Variants in ZNF420 observed in about 807,000 individuals in gnomAD.
ZNF420 encodes ATM and p53-associated KZNF protein.
A neutral mutation model predicts 44.7 loss-of-function variants in ZNF420; 31 were observed. The ratio of observed to expected loss-of-function variants is 0.69; its 90% CI spans 0.52 to 0.94. The LOEUF is 0.94. ZNF420 is among the 40% of genes least tolerant of loss of function. The pLI is 0.00. For missense variants in ZNF420, 681 were observed against 827.9 expected (o/e 0.82, Z 2.18); for synonymous variants, 245 against 267.4 (o/e 0.92, Z 0.82).
intron 1 of ZNF420, among the ~76,000 whole-genome samples, chr19:37,037,078 G>C (rs1281507815): frequency 3.3e-5 from 5 of 152,226 alleles, no homozygotes; most frequent in Admixed American, 2.6e-4. Flanking sequence ...GGACTCCCTA[G>C]GCCCCATGCA....
intron 1 of ZNF420, among the ~76,000 whole-genome samples, chr19:37,039,557 A>G (rs1437975624): frequency 1.3e-5 from 2 of 152,226 alleles, no homozygotes; most frequent in African/African-American, 4.8e-5. Flanking sequence ...AACAGCTGTG[A>G]TATCATCCAA....
At chr19:37,050,191 C>A (rs1370250216) in intron 1 of ZNF420, among the ~76,000 whole-genome samples, 1 of 152,122 alleles carries the variant, frequency 6.6e-6, no homozygotes. Flanking sequence ...ATTGACTTGG[C>A]AATGCGGGCT....
upstream of ZNF420, among the ~76,000 whole-genome samples, chr19:37,077,756 G>C (rs1172998486): frequency 6.6e-6 from 1 of 151,912 alleles, no homozygotes; most frequent in Non-Finnish European, 1.5e-5. Flanking sequence ...ACTCAATTAC[G>C]GCCACACACA....
chr19:37,086,110 C>T (rs965957213), intron 2 of ZNF420, among the ~76,000 whole-genome samples: 6 of 151,932 alleles, frequency 3.9e-5, no homozygotes, highest in African/African-American at 1.2e-4. Context: ...CCAGCCAGGC[C>T]TCACTACTTT....
intron 1 of ZNF420, among the ~76,000 whole-genome samples, chr19:37,019,969 G>T (rs1301519506): frequency 1.3e-5 from 2 of 151,894 alleles, no homozygotes; most frequent in African/African-American, 4.8e-5. Context: ...TGTAATCTCA[G>T]CACTTTGGGA....
chr19:37,028,466 A>G (rs186196922), intron 1 of ZNF420, among the ~76,000 whole-genome samples: 159 of 152,346 alleles, frequency 1.0e-3, no homozygotes, highest in Non-Finnish European at 1.7e-3. Flanking sequence ...CAATATATAA[A>G]CAGGTTGGGG....
At chr19:37,027,345 C>T (rs1172204255) in intron 1 of ZNF420, among the ~76,000 whole-genome samples, 1 of 152,154 alleles carries the variant, frequency 6.6e-6, no homozygotes, top group Non-Finnish European at 1.5e-5. Context: ...TAATATCCCC[C>T]TCACACCATA....
At chr19:37,032,077 G>A (rs12978986) in intron 1 of ZNF420, among the ~76,000 whole-genome samples, 24,672 of 152,162 alleles carry the variant, frequency 0.16, 2,131 homozygotes, top group African/African-American at 0.23. Context: ...CCGTGCGGTG[G>A]CTAACGCCTG....
chr19:37,122,519 C>T (rs889749946), intron 4 of ZNF420, among the ~76,000 whole-genome samples: 5 of 152,092 alleles, frequency 3.3e-5, no homozygotes, highest in East Asian at 3.9e-4. Flanking sequence ...TGCTAAATGA[C>T]GAGTTAATGG....
chr19:37,110,850 G>A (rs1395920056), intron 4 of ZNF420, among the ~76,000 whole-genome samples: 1 of 152,066 alleles, frequency 6.6e-6, no homozygotes, highest in African/African-American at 2.4e-5. Flanking sequence ...GGTAATTTTA[G>A]GTAAAATCCA....
At chr19:37,041,193 C>T (rs1967445681) in intron 1 of ZNF420, among the ~76,000 whole-genome samples, 1 of 151,708 alleles carries the variant, frequency 6.6e-6, no homozygotes, top group South Asian at 2.1e-4. Flanking sequence ...CATAGTGGCA[C>T]ACTCCTGGAA....
intron 1 of ZNF420, among the ~76,000 whole-genome samples, chr19:37,055,780 G>A (rs1055122427): frequency 1.3e-5 from 2 of 152,182 alleles, no homozygotes; most frequent in Non-Finnish European, 2.9e-5. Context: ...CAGGATTCCA[G>A]GAGACACGGA....
chr19:37,130,082 G>A lies in ZNF420; in HGVS notation c.*1024G>A. The A allele has an allele frequency of 2.6e-6, 4 of 1,550,262 alleles. No homozygotes were observed. The highest frequency in any genetic ancestry group is 3.5e-6 in the Non-Finnish European group (4 of 1,146,862). ...GATAGAAGTGATATTTATATGAGTA[G>A]GAGATTTACGAAATCCATTTTTCCT... On this transcript the variant is annotated 3_prime_UTR_variant, in exon 5 of 5. Transcript: ENST00000337995.
intron 4 of ZNF420, among the ~76,000 whole-genome samples, chr19:37,122,620 AAAC>A (rs201320745): frequency 0.014 from 2,142 of 152,292 alleles, 17 homozygotes; most frequent in Non-Finnish European, 0.02. Context: ...TAATTTAAAA[AAAC>A]AACAACACAT....
At chr19:37,035,916 G>A (rs1967346499) in intron 1 of ZNF420, among the ~76,000 whole-genome samples, 1 of 152,148 alleles carries the variant, frequency 6.6e-6, no homozygotes, top group Non-Finnish European at 1.5e-5. Context: ...CCTGTGAAAG[G>A]AATGACACTG....
At chr19:37,114,250 G>A (rs1194434599) in intron 4 of ZNF420, among the ~76,000 whole-genome samples, 1 of 152,230 alleles carries the variant, frequency 6.6e-6, no homozygotes, top group East Asian at 1.9e-4. Flanking sequence ...AGGATATAGC[G>A]CCCTGCCCTG....
intron 1 of ZNF420, among the ~76,000 whole-genome samples, chr19:37,021,951 AAAAAAAAAAAAAG>A: frequency 6.7e-6 from 1 of 149,894 alleles, no homozygotes; most frequent in South Asian, 2.1e-4. Flanking sequence ...AAAAAAAAAA[AAAAAAAAAAAAAG>A]AAAAGAAAAA....
intron 4 of ZNF420, chr19:37,115,178 A>C (rs1599707582): frequency 5.8e-6 from 1 of 172,708 alleles, no homozygotes; most frequent in Admixed American, 6.3e-5. Flanking sequence ...AGAGAAAAGC[A>C]CCTACGTTGG....
intron 1 of ZNF420, among the ~76,000 whole-genome samples, chr19:37,041,675 C>G (rs1373075329): frequency 6.6e-6 from 1 of 152,092 alleles, no homozygotes; most frequent in East Asian, 1.9e-4. Flanking sequence ...ATTGGAAGAT[C>G]CTTAAAACAT....
Sources: gnomAD v4.1 joint callset for allele counts (sites outside exome capture counted in the v4.1 genomes callset) on GRCh38, gnomAD v4.1.1 for gene constraint, MANE v1.5 for transcripts, NCBI Gene and HGNC (gene_info 2026-07-23, HGNC 2026-07-21) for gene names.